The following FAF1 variants were observed in gnomAD, a reference collection of about 807,000 sequenced individuals.
The protein encoded by FAF1 is Fas associated factor 1.
Under a neutral mutation model 92.5 loss-of-function variants are expected in FAF1, and 25 were observed. The observed-to-expected ratio is 0.27, with a 90% CI of 0.20 to 0.38. The LOEUF is 0.38. Ranked by LOEUF, FAF1 falls within the 10% of genes least tolerant of loss-of-function variation. FAF1 has a pLI of 1.00. For missense variants in FAF1, 636 were observed against 793.3 expected (o/e 0.80, Z 2.38); for synonymous variants, 234 against 273.2 (o/e 0.86, Z 1.42).
chr1:50,902,065 T>C (rs921406700), intron 1 of FAF1, among the ~76,000 whole-genome samples: 1 of 152,202 alleles, frequency 6.6e-6, no homozygotes, highest in African/African-American at 2.4e-5. Context: ...ACTTTTGTTA[T>C]TGCATCACTC....
At position 50,441,445 on chromosome 1, in the gene FAF1, C is replaced by T; in HGVS notation, c.1948G>A (p.Glu650Lys). 1 of 1,537,268 alleles carries T rather than the reference C, an allele frequency of 6.5e-7. No individual in the cohort carries two copies. Among genetic ancestry groups the T allele is most frequent in the Non-Finnish European group, 8.8e-7 (1 of 1,136,418 alleles). The change falls in exon 19 of 19, where the codon GAG (glutamate) becomes AAG (lysine). Residue 650 changes from glutamate to lysine, a missense_variant. By Grantham distance (56) the Glu-to-Lys change is moderately conservative (BLOSUM62 1). This residue lies in a region of FAF1 where 319 missense variants were observed against 451.0 expected (regional missense o/e 0.71). Coordinates refer to ENST00000396153, the MANE Select transcript of FAF1 (RefSeq NM_007051.3). Reference protein sequence around the residue: ...PQETLFLEAKE With the variant: ...PQETLFLEAKK ...GTTCCACCGCTGGGCCGTGTTTACT[C>T]TTTTGCTTCAAGGAAAAGGGTTTCT... is the stretch of plus-strand genomic sequence containing the variant.
At chr1:50,798,047 T>C (rs902052422) in intron 3 of FAF1, among the ~76,000 whole-genome samples, 2 of 151,154 alleles carry the variant, frequency 1.3e-5, no homozygotes, top group African/African-American at 4.9e-5. Context: ...GTCCATGCCA[T>C]GGCAAAATTT....
At chr1:50,838,855 T>C (rs1185336559) in intron 2 of FAF1, among the ~76,000 whole-genome samples, 2 of 152,118 alleles carry the variant, frequency 1.3e-5, no homozygotes, top group African/African-American at 2.4e-5. Context: ...CAGATTCAAA[T>C]TCAACTCTGG....
At chr1:50,550,471 T>C (rs1034681345) in intron 13 of FAF1, among the ~76,000 whole-genome samples, 3 of 149,592 alleles carry the variant, frequency 2.0e-5, no homozygotes, top group Admixed American at 6.7e-5. Flanking sequence ...TAGTCACTCA[T>C]CAAAGCTTTC....
At chr1:50,597,691 A>T (rs1651889899) in intron 8 of FAF1, among the ~76,000 whole-genome samples, 1 of 152,214 alleles carries the variant, frequency 6.6e-6, no homozygotes, top group Non-Finnish European at 1.5e-5. Flanking sequence ...CCACATCTTA[A>T]GGAAAAAATA....
At chr1:50,740,587 T>C (rs2124489050) in intron 5 of FAF1, among the ~76,000 whole-genome samples, 1 of 152,278 alleles carries the variant, frequency 6.6e-6, no homozygotes, top group Admixed American at 6.5e-5. Flanking sequence ...CTATTTCTCT[T>C]TTTTCATTTC....
rs1656124549 is a variant in FAF1, at chr1:50,676,439, CTAATT to C, written c.658-20916_658-20912del. Among the ~76,000 whole-genome samples, 5 of 150,438 alleles carry C rather than the reference CTAATT, an allele frequency of 3.3e-5. No homozygotes were observed. The South Asian group carries it at 1.0e-3, about 32-fold the overall frequency. On this transcript the variant is annotated intron_variant, in intron 7 of 18. Coordinates refer to ENST00000396153, the MANE Select transcript of FAF1 (RefSeq NM_007051.3). ...AAAAAAAGAAAGAAAGAAAATGAAA[CTAATT>C]TATTTGCCACTTATTTCAGTAAAAA...
At chr1:50,840,106 C>T (rs1341386445) in intron 2 of FAF1, among the ~76,000 whole-genome samples, 1 of 151,840 alleles carries the variant, frequency 6.6e-6, no homozygotes, top group Admixed American at 6.6e-5. Flanking sequence ...ACAAAAATTA[C>T]CTCAAAATGT....
intron 2 of FAF1, among the ~76,000 whole-genome samples, chr1:50,805,611 T>C (rs991005610): frequency 6.6e-6 from 1 of 152,158 alleles, no homozygotes; most frequent in Admixed American, 6.5e-5. Flanking sequence ...AATTGGTAGA[T>C]TACAAAACAG....
In FAF1 at chr1:50,691,132, T is replaced by A. The variant is rs116293605; in HGVS notation, c.657+14654A>T. ...AGATAGATGGTAACCATGTTTAACA[T>A]GTTGAGGAACTATCAAACTTTTTCC... On this transcript the variant is annotated intron_variant, in intron 7 of 18. Transcript: ENST00000396153. 3.1e-3 allele frequency among the ~76,000 whole-genome samples: 465 copies of A among 152,350 alleles called. 2 individuals are homozygous for A. Among genetic ancestry groups the A allele is most frequent in the Admixed American group, 5.9e-3 (91 of 15,308 alleles).
chr1:50,582,767 T>A, intron 11 of FAF1, 68 bp from the exon 12 acceptor site: 1 of 990,214 alleles, frequency 1.0e-6, no homozygotes, highest in South Asian at 1.3e-5. Context: ...ACAAGTCTAA[T>A]CAATGACTTT....
chr1:50,468,618 CCTGG>C (rs1646531529), intron 18 of FAF1, among the ~76,000 whole-genome samples: 1 of 151,938 alleles, frequency 6.6e-6, no homozygotes, highest in Non-Finnish European at 1.5e-5. Context: ...TGCCACCGCG[CCTGG>C]CTAATTTTTT....
intron 1 of FAF1, among the ~76,000 whole-genome samples, chr1:50,953,205 A>T (rs1055241979): frequency 1.3e-5 from 2 of 152,066 alleles, no homozygotes; most frequent in African/African-American, 4.8e-5. Context: ...CATGCTCCTT[A>T]AGAGTCATCA....
chr1:50,805,540 G>A (rs1662160683), intron 2 of FAF1, among the ~76,000 whole-genome samples: 1 of 152,068 alleles, frequency 6.6e-6, no homozygotes, highest in Admixed American at 6.6e-5. Flanking sequence ...GAAGGAAATG[G>A]CAAAAATTTC....
At chr1:50,683,645 G>GT (rs1262676917) in intron 7 of FAF1, among the ~76,000 whole-genome samples, 2 of 151,446 alleles carry the variant, frequency 1.3e-5, no homozygotes, top group African/African-American at 4.8e-5. Context: ...TTTTTTAAAT[G>GT]TTTTTGGCCG....
intron 7 of FAF1, among the ~76,000 whole-genome samples, chr1:50,659,711 C>T (rs1398263567): frequency 6.6e-6 from 1 of 152,024 alleles, no homozygotes; most frequent in Non-Finnish European, 1.5e-5. Flanking sequence ...CTTTGATTAC[C>T]AGCTGAACAT....
chr1:50,819,618 T>A (rs576826379), intron 2 of FAF1, among the ~76,000 whole-genome samples: 1 of 128,818 alleles, frequency 7.8e-6, no homozygotes, highest in South Asian at 2.4e-4. Flanking sequence ...AGAGCAAGAC[T>A]GACCGACTGA....
intron 7 of FAF1, among the ~76,000 whole-genome samples, chr1:50,671,545 T>C (rs1655879001): frequency 6.6e-6 from 1 of 152,190 alleles, no homozygotes; most frequent in South Asian, 2.1e-4. Context: ...TAATAGATAA[T>C]GTTAACTATA....
chr1:50,906,159 T>C lies in FAF1; in HGVS notation c.46-48162A>G, dbSNP rs1049653877. The stretch of plus-strand genomic sequence containing the variant: ...GAATCCTTTCCCCATTTCTTGTTTT[T>C]ATCAGGTTTGTCAAAGATCAGATGG... On this transcript the variant is annotated intron_variant, in intron 1 of 18. Transcript: ENST00000396153. 4.6e-5 allele frequency among the ~76,000 whole-genome samples: 7 copies of C among 152,234 alleles called. No homozygotes were observed. In the South Asian group the frequency reaches 1.4e-3, roughly 31 times the overall value.
Sources: allele counts gnomAD v4.1 joint callset (sites outside exome capture counted in the v4.1 genomes callset), GRCh38; gene constraint gnomAD v4.1.1; regional missense constraint gnomAD v4.1.1; transcripts MANE v1.5; gene names NCBI Gene and HGNC (gene_info 2026-07-23, HGNC 2026-07-21).